Variants in PRELID2 observed in about 807,000 individuals in gnomAD.
PRELID2 encodes PRELI domain containing 2.
Under a neutral mutation model 28.4 loss-of-function variants are expected in PRELID2, and 25 were observed. The observed-to-expected ratio is 0.88, with a 90% confidence interval of 0.64 to 1.23. The LOEUF (loss-of-function observed/expected upper bound fraction) is 1.23. PRELID2 is among the 50% of genes most tolerant of loss of function. The pLI is 0.00. For missense variants in PRELID2, 201 were observed against 214.4 expected (o/e 0.94, Z 0.39); for synonymous variants, 76 against 71.6 (o/e 1.06, Z -0.31).
intron 3 of PRELID2, 32 bp from the exon 4 acceptor site, chr5:145,818,086 T>C (rs1393843432): frequency 2.0e-5 from 32 of 1,604,638 alleles, no homozygotes; most frequent in Non-Finnish European, 2.6e-5. Flanking sequence ...GCTTTTTCAA[T>C]TTAGGAAGAG....
intron 1 of PRELID2, among the ~76,000 whole-genome samples, chr5:145,567,469 C>T (rs1752976947): frequency 6.6e-6 from 1 of 152,142 alleles, no homozygotes; most frequent in Admixed American, 6.5e-5. Flanking sequence ...GCTCTGCCTC[C>T]TAGGTTCAAG....
chr5:145,662,727 C>T (rs1444181454), intron 1 of PRELID2, among the ~76,000 whole-genome samples: 1 of 151,934 alleles, frequency 6.6e-6, no homozygotes, highest in Non-Finnish European at 1.5e-5. Flanking sequence ...AGGCTCAGCC[C>T]CATTGTCTGT....
intron 1 of PRELID2, among the ~76,000 whole-genome samples, chr5:145,523,196 A>G (rs1752578348): frequency 6.6e-6 from 1 of 152,202 alleles, no homozygotes. Context: ...TTTAGATGAG[A>G]AACATGATGT....
At chr5:145,540,627 C>T (rs1163184452) in intron 1 of PRELID2, among the ~76,000 whole-genome samples, 1 of 149,966 alleles carries the variant, frequency 6.7e-6, no homozygotes, top group African/African-American at 2.5e-5. Flanking sequence ...AAGGAAATCA[C>T]CAGCCAAGCC....
intron 4 of PRELID2, among the ~76,000 whole-genome samples, chr5:145,814,017 T>C (rs2149849810): frequency 6.6e-6 from 1 of 152,330 alleles, no homozygotes; most frequent in East Asian, 1.9e-4. Context: ...AAGAAAATCA[T>C]GTAAACAAAC....
chr5:145,386,360 C>T, the PRELID2 span, among the ~76,000 whole-genome samples: 1 of 152,076 alleles, frequency 6.6e-6, no homozygotes, highest in South Asian at 2.1e-4. Context: ...AGATGAGATA[C>T]GGATGAAGAC....
chr5:145,252,753 A>G, the PRELID2 span, among the ~76,000 whole-genome samples: 2 of 152,112 alleles, frequency 1.3e-5, no homozygotes, highest in African/African-American at 4.8e-5. Flanking sequence ...TTCAGTTTAG[A>G]AAGACGTAAA....
intron 1 of PRELID2, among the ~76,000 whole-genome samples, chr5:145,651,644 AG>A (rs1754299741): frequency 6.6e-6 from 1 of 152,202 alleles, no homozygotes; most frequent in Admixed American, 6.5e-5. Context: ...CCAGGCAAAC[AG>A]GGTCTGGAGT....
At chr5:145,645,033 A>C (rs1221304272) in intron 1 of PRELID2, among the ~76,000 whole-genome samples, 3 of 152,118 alleles carry the variant, frequency 2.0e-5, no homozygotes, top group Non-Finnish European at 4.4e-5. Context: ...TATTAAGTCC[A>C]CTTGGTCCAG....
chr5:145,357,609 TATTAAAACA>T, the PRELID2 span, among the ~76,000 whole-genome samples: 1 of 152,314 alleles, frequency 6.6e-6, no homozygotes. Context: ...TTTGGTTCTT[TATTAAAACA>T]GCCATTTCAT....
the PRELID2 span, among the ~76,000 whole-genome samples, chr5:145,448,494 A>G: frequency 6.6e-6 from 1 of 152,040 alleles, no homozygotes; most frequent in African/African-American, 2.4e-5. Flanking sequence ...CCATTTGTCA[A>G]TTTTGTCTTT....
intron 1 of PRELID2, among the ~76,000 whole-genome samples, chr5:145,561,635 G>C (rs1752926747): frequency 6.6e-6 from 1 of 152,206 alleles, no homozygotes; most frequent in Non-Finnish European, 1.5e-5. Context: ...AAAAGAAAGA[G>C]AGAGCATTAC....
At chr5:145,312,317 C>G in the PRELID2 span, among the ~76,000 whole-genome samples, 1 of 152,110 alleles carries the variant, frequency 6.6e-6, no homozygotes, top group South Asian at 2.1e-4. Context: ...TGCCACTGCA[C>G]TTCAGCCTAG....
the PRELID2 span, among the ~76,000 whole-genome samples, chr5:145,230,452 G>A: frequency 1.6e-4 from 24 of 152,004 alleles, no homozygotes; most frequent in Non-Finnish European, 1.5e-5. Context: ...GGTGGTGCAC[G>A]CCTGTAATCC....
chr5:145,531,524 T>A (rs1056199761), intron 1 of PRELID2, among the ~76,000 whole-genome samples: 2 of 152,140 alleles, frequency 1.3e-5, no homozygotes, highest in Admixed American at 6.5e-5. Flanking sequence ...CACCCTTCAC[T>A]GAAAGTATGA....
chr5:145,593,672 C>G (rs1335073552), intron 1 of PRELID2, among the ~76,000 whole-genome samples: 2 of 152,146 alleles, frequency 1.3e-5, no homozygotes, highest in East Asian at 3.8e-4. Flanking sequence ...ATGAACTGTA[C>G]TGCAGAGTCA....
At chr5:145,689,562 C>A (rs1210666601) in intron 1 of PRELID2, among the ~76,000 whole-genome samples, 1 of 152,184 alleles carries the variant, frequency 6.6e-6, no homozygotes, top group Non-Finnish European at 1.5e-5. Flanking sequence ...AGCTGAGAAA[C>A]AATAGCTTAG....
chr5:145,738,554 G>C (rs956320804), intron 1 of PRELID2, among the ~76,000 whole-genome samples: 1 of 152,064 alleles, frequency 6.6e-6, no homozygotes, highest in Non-Finnish European at 1.5e-5. Flanking sequence ...AAAAATGCAA[G>C]AGATGGGCTG....
At chr5:145,714,124 C>A (rs1412908573) in intron 1 of PRELID2, among the ~76,000 whole-genome samples, 1 of 152,078 alleles carries the variant, frequency 6.6e-6, no homozygotes, top group Non-Finnish European at 1.5e-5. Context: ...CGTCCCCTCC[C>A]CAACTCCCAG....
Sources: gnomAD v4.1 joint callset for allele counts (sites outside exome capture counted in the v4.1 genomes callset) on GRCh38, gnomAD v4.1.1 for gene constraint, MANE v1.5 for transcripts, NCBI Gene and HGNC (gene_info 2026-07-23, HGNC 2026-07-21) for gene names.